The following DLG2 variants were observed in gnomAD, a reference collection of about 807,000 sequenced individuals.
DLG2 encodes disks large homolog 2.
Under a neutral mutation model 132.5 loss-of-function variants are expected in DLG2, and 45 were observed. That is an observed-to-expected ratio of 0.34 (90% CI 0.27 to 0.44). DLG2 has a LOEUF of 0.44. Ranked by LOEUF, DLG2 falls within the 20% of genes least tolerant of loss-of-function variation. DLG2 has a pLI of 1.00. For synonymous variants in DLG2, 424 were observed against 419.6 expected, an observed-to-expected ratio of 1.01 and a Z score of -0.13; for missense variants, 1,045 against 1,196.9, an observed-to-expected ratio of 0.87 and a Z score of 1.87.
chr11:83,885,232 C>A lies in DLG2; in HGVS notation c.1497-10744G>T, dbSNP rs544862808. Among the ~76,000 whole-genome samples, 13 of 152,130 alleles carry A rather than the reference C, an allele frequency of 8.5e-5. No individual in the cohort carries two copies. The South Asian group carries it at 2.7e-3, about 32-fold the overall frequency. ...TAGACGAATGTATAACTAGAATAAC[C>A]AATACAGAGAAGTGCTTAAAGGAGC... is the stretch of plus-strand genomic sequence containing the variant. On this transcript the variant is annotated intron_variant, in intron 15 of 27. Coordinates refer to ENST00000376104, the MANE Select transcript of DLG2 (RefSeq NM_001142699.3).
chr11:84,542,930 C>CT (rs202088375), intron 6 of DLG2, among the ~76,000 whole-genome samples: 13,155 of 110,046 alleles, frequency 0.12, 606 homozygotes, highest in African/African-American at 0.18. Context: ...TTTCTGCAGT[C>CT]TGTACCCAGC....
intron 15 of DLG2, among the ~76,000 whole-genome samples, chr11:83,899,701 G>A (rs2072866567): frequency 6.6e-6 from 1 of 152,142 alleles, no homozygotes. Flanking sequence ...ACGTGGAAAT[G>A]TAAGTCCAAT....
intron 16 of DLG2, among the ~76,000 whole-genome samples, chr11:83,864,288 T>A (rs987282452): frequency 6.6e-6 from 1 of 152,226 alleles, no homozygotes; most frequent in Middle Eastern, 3.2e-3. Context: ...TGAATTACTA[T>A]AATTTTCAAC....
chr11:84,848,792 C>A (rs7113831), intron 6 of DLG2, among the ~76,000 whole-genome samples: 48,680 of 152,010 alleles, frequency 0.32, 7,943 homozygotes, highest in Middle Eastern at 0.36. Flanking sequence ...GGACATGGGT[C>A]ACTTGGGGCC....
chr11:85,168,632 G>A (rs1343220412), intron 4 of DLG2, among the ~76,000 whole-genome samples: 1 of 152,038 alleles, frequency 6.6e-6, no homozygotes, highest in East Asian at 1.9e-4. Flanking sequence ...CATTTTAAAA[G>A]TAAAGCTCTC....
chr11:83,729,684 A>G (rs952109896), intron 18 of DLG2, among the ~76,000 whole-genome samples: 1 of 152,218 alleles, frequency 6.6e-6, no homozygotes, highest in Non-Finnish European at 1.5e-5. Flanking sequence ...GCAGCAGTCA[A>G]TTCGGTGGAA....
intron 3 of DLG2, among the ~76,000 whole-genome samples, chr11:85,427,550 A>G (rs181905107): frequency 1.5e-4 from 23 of 152,362 alleles, no homozygotes; most frequent in African/African-American, 4.8e-4. Context: ...AAGGAGAAAC[A>G]AAATCCTTTA....
At chr11:83,499,852 G>GATATATATATAT (rs60890814) in intron 21 of DLG2, among the ~76,000 whole-genome samples, 21 of 61,628 alleles carry the variant, frequency 3.4e-4, no homozygotes, top group East Asian at 1.7e-3. Context: ...ACTAATAGGA[G>GATATATATATAT]ATATATATAT....
At chr11:84,049,345 G>A (rs1253057858) in intron 11 of DLG2, among the ~76,000 whole-genome samples, 1 of 151,768 alleles carries the variant, frequency 6.6e-6, no homozygotes, top group East Asian at 1.9e-4. Flanking sequence ...TAAGTGGACT[G>A]GTAAGCAATG....
rs1303669212 is a variant in DLG2 at position 85,314,578 on chromosome 11, T to A, written c.41-29213A>T. ...GCTCCAGTGTCCTATAAGTAGAGCC[T>A]GAGGCAAATTAAATTTCTGGTACTT... On this transcript the variant is annotated intron_variant, in intron 3 of 27. Transcript: ENST00000376104. Among the ~76,000 whole-genome samples the A allele has an allele frequency of 5.9e-5, 9 of 152,026 alleles. No homozygotes were observed. In the East Asian group the frequency reaches 1.7e-3, roughly 29 times the overall value.
chr11:85,097,734 G>T (rs2070119780), intron 6 of DLG2, among the ~76,000 whole-genome samples: 2 of 152,166 alleles, frequency 1.3e-5, no homozygotes, highest in Non-Finnish European at 2.9e-5. Context: ...CTTACCAGAT[G>T]TCTGGTCATG....
intron 6 of DLG2, among the ~76,000 whole-genome samples, chr11:84,765,629 T>A (rs1223181766): frequency 6.6e-6 from 1 of 152,082 alleles, no homozygotes; most frequent in Admixed American, 6.6e-5. Context: ...TTCCTTGCTG[T>A]TATCAGAAAG....
intron 7 of DLG2, among the ~76,000 whole-genome samples, chr11:84,276,584 A>G (rs1186608876): frequency 6.6e-6 from 1 of 152,198 alleles, no homozygotes; most frequent in Admixed American, 6.5e-5. Flanking sequence ...TCTGCCCACA[A>G]GTGGAGCATA....
intron 6 of DLG2, among the ~76,000 whole-genome samples, chr11:84,691,309 T>C (rs1030540730): frequency 6.6e-5 from 10 of 151,890 alleles, no homozygotes; most frequent in African/African-American, 2.4e-4. Context: ...TGTCTGTGTC[T>C]TCTCTGTGTT....
At chr11:83,661,817 T>C (rs925205626) in intron 18 of DLG2, among the ~76,000 whole-genome samples, 1 of 152,094 alleles carries the variant, frequency 6.6e-6, no homozygotes, top group Non-Finnish European at 1.5e-5. Context: ...AATCAAGACA[T>C]AGTGACCTCC....
At chr11:85,019,683 T>C (rs1049243162) in intron 6 of DLG2, among the ~76,000 whole-genome samples, 1 of 152,108 alleles carries the variant, frequency 6.6e-6, no homozygotes, top group African/African-American at 2.4e-5. Context: ...GTGTTGTCAT[T>C]GTTCAATTCC....
chr11:85,057,672 G>T (rs1185786530), intron 6 of DLG2, among the ~76,000 whole-genome samples: 2 of 151,316 alleles, frequency 1.3e-5, no homozygotes, highest in Non-Finnish European at 3.0e-5. Flanking sequence ...GCGTATTTTT[G>T]ATTTTAAAAA....
chr11:84,207,075 C>A (rs1191952203), intron 8 of DLG2, among the ~76,000 whole-genome samples: 77 of 105,714 alleles, frequency 7.3e-4, no homozygotes, highest in African/African-American at 2.1e-3. Context: ...CTCTCTCTCT[C>A]TCTCTCTATA....
At chr11:85,479,135 T>C (rs1001105634) in intron 3 of DLG2, among the ~76,000 whole-genome samples, 1 of 152,244 alleles carries the variant, frequency 6.6e-6, no homozygotes, top group Non-Finnish European at 1.5e-5. Context: ...GCATCAATAA[T>C]ATTTAACTAG....
Sources: allele counts gnomAD v4.1 joint callset (sites outside exome capture counted in the v4.1 genomes callset), GRCh38; gene constraint gnomAD v4.1.1; transcripts MANE v1.5; gene names NCBI Gene and HGNC (gene_info 2026-07-23, HGNC 2026-07-21).